The following LRIF1 variants were observed in gnomAD, a reference collection of about 807,000 sequenced individuals.
LRIF1 encodes ligand-dependent nuclear receptor-interacting factor 1.
In LRIF1, 32 loss-of-function variants were observed where a neutral mutation model predicts 52.7. The observed-to-expected ratio is 0.61, with a 90% CI of 0.46 to 0.82. The LOEUF is 0.82. Among genes scored for constraint, LRIF1 ranks in the 40% least tolerant of loss-of-function variants. The pLI is 0.00. For synonymous variants in LRIF1, 323 were observed against 317.4 expected, an observed-to-expected ratio of 1.02 and a Z score of -0.19; for missense variants, 887 against 892.0, an observed-to-expected ratio of 0.99 and a Z score of 0.07.
chr1:110,913,998 G>A, the LRIF1 span, among the ~76,000 whole-genome samples: 1 of 152,150 alleles, frequency 6.6e-6, no homozygotes, highest in African/African-American at 2.4e-5. Context: ...GCAGCGACAT[G>A]GATGCTTCTG....
the LRIF1 span, among the ~76,000 whole-genome samples, chr1:110,932,691 G>A: frequency 6.6e-6 from 1 of 152,126 alleles, no homozygotes; most frequent in Non-Finnish European, 1.5e-5. Context: ...CTACAAAGCT[G>A]CTATCTTTCT....
chr1:110,943,499 T>C (rs1397668343), downstream of LRIF1: 1 of 152,228 alleles, frequency 6.6e-6, no homozygotes, highest in Non-Finnish European at 1.5e-5. Context: ...TTAGGATTTA[T>C]TTAACCAAAC....
At chr1:110,888,523 T>G in the LRIF1 span, among the ~76,000 whole-genome samples, 539 of 152,344 alleles carry the variant, frequency 3.5e-3, 3 homozygotes, top group Admixed American at 4.8e-3. Context: ...CAGACCATTA[T>G]TTTATAGTCT....
the LRIF1 span, chr1:110,939,580 TTTAAA>T: frequency 1.3e-5 from 2 of 152,140 alleles, no homozygotes; most frequent in South Asian, 2.1e-4. Context: ...ATTACCTGAC[TTTAAA>T]TTATGCCACA....
intron 1 of LRIF1, among the ~76,000 whole-genome samples, chr1:110,958,996 C>G (rs577042019): frequency 3.9e-5 from 6 of 152,240 alleles, no homozygotes; most frequent in African/African-American, 1.4e-4. Flanking sequence ...CTAGAAGGAG[C>G]CTTCCATTGA....
the LRIF1 span, among the ~76,000 whole-genome samples, chr1:110,890,127 T>C: frequency 6.6e-6 from 1 of 152,284 alleles, no homozygotes; most frequent in South Asian, 2.1e-4. Context: ...GGAGATACTA[T>C]GGATTGCACA....
chr1:110,893,574 G>A, the LRIF1 span, among the ~76,000 whole-genome samples: 1 of 152,142 alleles, frequency 6.6e-6, no homozygotes, highest in Non-Finnish European at 1.5e-5. Context: ...CACCTGCCTC[G>A]GCCTCCCAAA....
chr1:110,944,899 T>TTG (rs904840431), downstream of LRIF1: 1 of 151,150 alleles, frequency 6.6e-6, no homozygotes, highest in Non-Finnish European at 1.5e-5. Flanking sequence ...GGTTGCTGTT[T>TTG]TTTTTTTTTT....
chr1:110,898,772 C>T, the LRIF1 span, among the ~76,000 whole-genome samples: 1 of 152,050 alleles, frequency 6.6e-6, no homozygotes, highest in South Asian at 2.1e-4. Flanking sequence ...AATGATTTTT[C>T]TCTGTTTGGA....
the LRIF1 span, among the ~76,000 whole-genome samples, chr1:110,914,424 A>C: frequency 2.0e-5 from 3 of 152,236 alleles, no homozygotes; most frequent in African/African-American, 7.2e-5. Context: ...GAGGAAATCT[A>C]AACAGCTAAT....
Position 110,951,915 on chromosome 1 carries a change from A to C in LRIF1, c.969T>G (p.Asp323Glu), listed in dbSNP as rs1240809602. Reference sequence around the variant, plus strand: ...TAGTATTATCTCCCAAATTTTTCCTATCTACAAAAGTTTTTAAAATCTTTG... The same window carrying C: ...TAGTATTATCTCCCAAATTTTTCCTCTCTACAAAAGTTTTTAAAATCTTTG... ...VASKILKTFVDRKNLGDNTIN... is the reference protein window; with the variant it reads ...VASKILKTFVERKNLGDNTIN... The change falls in exon 2 of 4, where the codon GAT (aspartate) becomes GAG (glutamate). Residue 323 changes from aspartate to glutamate, a missense_variant. Asp to Glu is a conservative substitution (Grantham distance 45). Coordinates refer to ENST00000369763, the MANE Select transcript of LRIF1 (RefSeq NM_018372.4). The C allele has an allele frequency of 1.9e-6, 3 of 1,613,924 alleles. No homozygotes were observed. In the Admixed American group the frequency reaches 5.0e-5, roughly 27 times the overall value.
At position 110,957,470 on chromosome 1, in the gene LRIF1, C is replaced by G. The variant is rs1013572985; in HGVS notation, c.69-4655G>C. On this transcript the variant is annotated intron_variant, in intron 1 of 3. Transcript: ENST00000369763. ...TGGGCGACAAAGCAAGACTCAGTCT[C>G]AAAAAAAAAAAAAAAAAAAAAAGAC... Among the ~76,000 whole-genome samples, 4 of 42,802 alleles carry G rather than the reference C, an allele frequency of 9.3e-5. No homozygotes were observed. In the Admixed American group the frequency reaches 1.0e-3, roughly 11 times the overall value. The allele number at this position is 42,802 out of a possible 152,430, so 28.1% of individuals were successfully genotyped here. A position where few individuals can be genotyped will look rare whatever the true frequency, so the allele number is the denominator to read the frequency against.
the LRIF1 span, chr1:110,892,559 C>T: frequency 6.3e-7 from 1 of 1,582,432 alleles, no homozygotes; most frequent in Non-Finnish European, 8.7e-7. Context: ...AGATGTGGTG[C>T]CCCAAGTCGG....
At chr1:110,922,446 C>T in the LRIF1 span, among the ~76,000 whole-genome samples, 8 of 152,136 alleles carry the variant, frequency 5.3e-5, no homozygotes, top group African/African-American at 1.9e-4. Context: ...TGGGGAAATA[C>T]ATTTCTGTTT....
At chr1:110,956,618 T>C (rs1268433156) in intron 1 of LRIF1, among the ~76,000 whole-genome samples, 1 of 152,132 alleles carries the variant, frequency 6.6e-6, no homozygotes, top group Non-Finnish European at 1.5e-5. Context: ...AGCAATTTCA[T>C]CTAATAATAA....
chr1:110,917,969 A>C, the LRIF1 span, among the ~76,000 whole-genome samples: 1 of 152,162 alleles, frequency 6.6e-6, no homozygotes, highest in African/African-American at 2.4e-5. Context: ...AAAATCATTA[A>C]ATGTGATTTA....
chr1:110,880,015 A>T, the LRIF1 span, among the ~76,000 whole-genome samples: 3 of 152,348 alleles, frequency 2.0e-5, no homozygotes, highest in Non-Finnish European at 2.9e-5. Flanking sequence ...GCTCAAGCCC[A>T]TTGGAGGAAA....
At chr1:110,881,614 G>GTAAA in the LRIF1 span, among the ~76,000 whole-genome samples, 2 of 152,126 alleles carry the variant, frequency 1.3e-5, no homozygotes, top group Non-Finnish European at 2.9e-5. Context: ...TTTCTCTTGG[G>GTAAA]TAAATACCTA....
chr1:110,939,467 C>T, the LRIF1 span: 1 of 149,042 alleles, frequency 6.7e-6, no homozygotes, highest in East Asian at 2.0e-4. Flanking sequence ...ACATTCATCA[C>T]AGAAATAGAA....
Sources: gnomAD v4.1 joint callset for allele counts (sites outside exome capture counted in the v4.1 genomes callset) on GRCh38, gnomAD v4.1.1 for gene constraint, MANE v1.5 for transcripts, NCBI Gene and HGNC (gene_info 2026-07-23, HGNC 2026-07-21) for gene names.